RXFP1: variants seen among roughly 807,000 people sequenced by gnomAD.
RXFP1 encodes relaxin family peptide receptor 1.
Under a neutral mutation model 89.8 loss-of-function variants are expected in RXFP1, and 73 were observed. That is an observed-to-expected ratio of 0.81 (90% CI 0.67 to 0.99). The LOEUF (loss-of-function observed/expected upper bound fraction) is 0.99, where lower values mean the gene tolerates loss of function less well. RXFP1 is among the 50% of genes least tolerant of loss of function. The pLI is 0.00. For synonymous variants in RXFP1, 277 were observed against 305.5 expected, an observed-to-expected ratio of 0.91 and a Z score of 0.97; for missense variants, 793 against 895.5, an observed-to-expected ratio of 0.89 and a Z score of 1.46.
chr4:158,545,230 G>C (rs1160594386), intron 1 of RXFP1, among the ~76,000 whole-genome samples: 1 of 151,640 alleles, frequency 6.6e-6, no homozygotes, highest in African/African-American at 2.4e-5. Context: ...GTGTTTTTTT[G>C]GCTGCATAAA....
intron 2 of RXFP1, among the ~76,000 whole-genome samples, chr4:158,577,725 G>A (rs1040799215): frequency 1.3e-5 from 2 of 151,800 alleles, no homozygotes; most frequent in South Asian, 2.1e-4. Context: ...TAGGGATATC[G>A]CTGAAAAAAA....
intron 9 of RXFP1, among the ~76,000 whole-genome samples, chr4:158,619,972 A>G (rs1306920217): frequency 6.6e-6 from 1 of 152,252 alleles, no homozygotes; most frequent in Non-Finnish European, 1.5e-5. Context: ...CCCCAAAAGC[A>G]TAAGGAAAAA....
chr4:158,566,830 G>A (rs560932804), intron 1 of RXFP1, among the ~76,000 whole-genome samples: 6 of 152,306 alleles, frequency 3.9e-5, no homozygotes, highest in South Asian at 2.1e-4. Context: ...TCGCCTTGGC[G>A]CCCATTCTGG....
At chr4:158,630,581 T>C (rs1446358346) in intron 11 of RXFP1, among the ~76,000 whole-genome samples, 1 of 152,138 alleles carries the variant, frequency 6.6e-6, no homozygotes, top group Non-Finnish European at 1.5e-5. Flanking sequence ...GAACATGAAC[T>C]CAAAGGGCTT....
chr4:158,587,448 C>T (rs1758517709), intron 2 of RXFP1, among the ~76,000 whole-genome samples: 1 of 152,054 alleles, frequency 6.6e-6, no homozygotes, highest in South Asian at 2.1e-4. Flanking sequence ...TTAATAACAA[C>T]TTCTGGTTGT....
chr4:158,646,461 G>A (rs569088044), intron 15 of RXFP1: 152 of 1,233,350 alleles, frequency 1.2e-4, no homozygotes, highest in African/African-American at 6.5e-4. Flanking sequence ...AATGCTCTAC[G>A]TGATTGCATT....
At chr4:158,644,570 G>T (rs549373453) in intron 14 of RXFP1, among the ~76,000 whole-genome samples, 11 of 152,160 alleles carry the variant, frequency 7.2e-5, no homozygotes, top group African/African-American at 2.4e-5. Flanking sequence ...CTGTGTAACT[G>T]CATTTACGTA....
intron 1 of RXFP1, among the ~76,000 whole-genome samples, chr4:158,553,525 A>G (rs571613006): frequency 6.6e-6 from 1 of 152,270 alleles, no homozygotes; most frequent in South Asian, 2.1e-4. Flanking sequence ...ACAGCAAGGA[A>G]GCAGAGACAG....
At chr4:158,626,111 T>TAGATAGATAGATAG (rs1766658287) in intron 9 of RXFP1, among the ~76,000 whole-genome samples, 3 of 136,592 alleles carry the variant, frequency 2.2e-5, no homozygotes, top group African/African-American at 8.8e-5. Flanking sequence ...TAGATATCTA[T>TAGATAGATAGATAG]ATAGATAGAT....
chr4:158,644,746 A>T (rs1018744144), intron 14 of RXFP1, among the ~76,000 whole-genome samples, 163 bp from the exon 15 acceptor site: 5 of 152,232 alleles, frequency 3.3e-5, no homozygotes, highest in Admixed American at 2.0e-4. Flanking sequence ...GCTAATGATA[A>T]TTGGATGTAA....
At chr4:158,540,181 G>A (rs549388418) in intron 1 of RXFP1, among the ~76,000 whole-genome samples, 1 of 152,216 alleles carries the variant, frequency 6.6e-6, no homozygotes, top group South Asian at 2.1e-4. Flanking sequence ...TATTAAGAAA[G>A]CAAAGGAAGA....
At chr4:158,573,454 A>G (rs1755569358) in intron 2 of RXFP1, among the ~76,000 whole-genome samples, 1 of 152,142 alleles carries the variant, frequency 6.6e-6, no homozygotes, top group African/African-American at 2.4e-5. Context: ...ACGCAGCCCA[A>G]CACAAATTCA....
intron 5 of RXFP1, 85 bp from the exon 6 acceptor site, chr4:158,607,887 C>A: frequency 1.2e-6 from 1 of 826,322 alleles, no homozygotes; most frequent in Non-Finnish European, 2.0e-6. Flanking sequence ...CTACCATCAC[C>A]ATCATCCATC....
At chr4:158,593,643 C>G (rs1430776322) in intron 3 of RXFP1, 144 bp downstream of exon 3, 1 of 526,940 alleles carries the variant, frequency 1.9e-6, no homozygotes, top group African/African-American at 1.9e-5. Flanking sequence ...CGTAAGAGGT[C>G]AATTATAGTT....
chr4:158,572,842 G>A lies in RXFP1; in HGVS notation c.187+7G>A, dbSNP rs1755375030. On this transcript the variant is annotated splice_region_variant and intron_variant, in intron 2 of 17. Coordinates refer to ENST00000307765, the MANE Select transcript of RXFP1 (RefSeq NM_021634.4). ...GCCGATGAGGACAACTGTGGTGAGT[G>A]AAGCCCCTGCAGTCACGGTGAGAGA... 1.2e-6 allele frequency: 2 copies of A among 1,613,968 alleles called. No homozygotes were observed. The highest frequency in any genetic ancestry group is 1.7e-5 in the Admixed American group (1 of 60,004).
chr4:158,641,103 C>T (rs1320194113), intron 14 of RXFP1, among the ~76,000 whole-genome samples: 1 of 152,174 alleles, frequency 6.6e-6, no homozygotes, highest in Non-Finnish European at 1.5e-5. Flanking sequence ...AACACAGAAC[C>T]CTGTTTTTGT....
chr4:158,652,143 A>G lies in RXFP1; in HGVS notation c.*88A>G. Reference sequence around the variant, plus strand: ...GGTATGAAATGAATACCACAAAATTAATTTATAATAATAGCTAAGATAAAT... The same window carrying G: ...GGTATGAAATGAATACCACAAAATTGATTTATAATAATAGCTAAGATAAAT... On this transcript the variant is annotated 3_prime_UTR_variant, in exon 18 of 18. Transcript: ENST00000307765. 9.8e-7 allele frequency: 1 copy of G among 1,018,684 alleles called. No individual in the cohort carries two copies. The highest frequency in any genetic ancestry group is 1.4e-6 in the Non-Finnish European group (1 of 714,538). 63.1% of individuals were successfully genotyped at this position (1,018,684 alleles called of 1,614,324 possible). A position where few individuals can be genotyped will look rare whatever the true frequency, so the allele number is the denominator to read the frequency against.
intron 8 of RXFP1, 57 bp downstream of exon 8, chr4:158,612,419 T>G (rs1409863721): frequency 8.0e-7 from 1 of 1,252,534 alleles, no homozygotes; most frequent in Admixed American, 2.2e-5. Flanking sequence ...GAATAAAAAT[T>G]AATGCTTAAA....
chr4:158,534,254 T>C (rs925709891), intron 1 of RXFP1, among the ~76,000 whole-genome samples: 6 of 151,812 alleles, frequency 4.0e-5, no homozygotes, highest in Non-Finnish European at 7.4e-5. Flanking sequence ...GATTTTTTTT[T>C]TTTTTTTTTT....
Sources: allele counts gnomAD v4.1 joint callset (sites outside exome capture counted in the v4.1 genomes callset), GRCh38; gene constraint gnomAD v4.1.1; transcripts MANE v1.5; gene names NCBI Gene and HGNC (gene_info 2026-07-23, HGNC 2026-07-21).